Variants in NEK10 observed in about 807,000 individuals in gnomAD.
The protein encoded by NEK10 is NIMA related kinase 10.
Under a neutral mutation model 159.8 loss-of-function variants are expected in NEK10, and 122 were observed. The ratio of observed to expected loss-of-function variants is 0.76; its 90% CI spans 0.66 to 0.89. The LOEUF is 0.89. Among genes scored for constraint, NEK10 ranks in the 40% least tolerant of loss-of-function variants. NEK10 has a pLI of 0.00. For synonymous variants in NEK10, 466 were observed against 457.1 expected (o/e 1.02, Z -0.25); for missense variants, 1,342 against 1,323.1 (o/e 1.01, Z -0.22).
Position 27,134,077 on chromosome 3 carries a change from G to C in NEK10, c.2971-2087C>G, listed in dbSNP as rs560442818. Among the ~76,000 whole-genome samples the C allele has an allele frequency of 6.6e-5, 10 of 152,184 alleles. No individual in the cohort carries two copies. The South Asian group carries it at 1.9e-3, about 29-fold the overall frequency. On this transcript the variant is annotated intron_variant, in intron 31 of 35. Coordinates refer to ENST00000691995, the MANE Select transcript of NEK10 (RefSeq NM_001394966.1). ...GAATAGAGAAAGAAAAGAGAGGAAGGGGGGTGCAGGGAGAGAGAGAGAGAT... is the reference window on the plus strand; with the variant it reads ...GAATAGAGAAAGAAAAGAGAGGAAGCGGGGTGCAGGGAGAGAGAGAGAGAT...
chr3:27,281,666 A>G (rs1365919464), intron 22 of NEK10, among the ~76,000 whole-genome samples: 1 of 152,194 alleles, frequency 6.6e-6, no homozygotes, highest in Non-Finnish European at 1.5e-5. Flanking sequence ...AAGTACCAGA[A>G]GACTTACTTC....
chr3:27,176,590 G>A (rs1440907204), intron 26 of NEK10, among the ~76,000 whole-genome samples: 1 of 152,122 alleles, frequency 6.6e-6, no homozygotes, highest in African/African-American at 2.4e-5. Context: ...CTTCTTCCAT[G>A]CCTACCTCTT....
chr3:27,160,811 CAGG>C (rs1284884772), intron 30 of NEK10, among the ~76,000 whole-genome samples: 1 of 152,108 alleles, frequency 6.6e-6, no homozygotes, highest in African/African-American at 2.4e-5. Context: ...TAGGCTGAGG[CAGG>C]AGAATTGCCT....
At chr3:27,214,829 A>C (rs1394087114) in intron 23 of NEK10, 2 of 1,180,362 alleles carry the variant, frequency 1.7e-6, no homozygotes, top group Non-Finnish European at 1.3e-6. Context: ...CGTGTAGAAG[A>C]TATGGAGCCT....
At chr3:27,208,492 G>C (rs527477540) in intron 23 of NEK10, among the ~76,000 whole-genome samples, 1 of 152,276 alleles carries the variant, frequency 6.6e-6, no homozygotes, top group South Asian at 2.1e-4. Context: ...AAGGGATTGA[G>C]CCAGAAAAGA....
At chr3:27,113,355 C>T (rs1939861201) in intron 35 of NEK10, among the ~76,000 whole-genome samples, 1 of 147,998 alleles carries the variant, frequency 6.8e-6, no homozygotes, top group African/African-American at 2.5e-5. Flanking sequence ...CGCTTGAACC[C>T]AGGAGGTGGA....
intron 22 of NEK10, among the ~76,000 whole-genome samples, chr3:27,282,899 C>G (rs748061329): frequency 6.6e-6 from 1 of 151,160 alleles, no homozygotes; most frequent in African/African-American, 2.4e-5. Context: ...CATAAAAAGC[C>G]TAAGGTAAAC....
chr3:27,304,479 G>A (rs1234698796), intron 12 of NEK10, among the ~76,000 whole-genome samples: 1 of 152,064 alleles, frequency 6.6e-6, no homozygotes, highest in Non-Finnish European at 1.5e-5. Context: ...GCAGATTGAT[G>A]GCCTTCTACA....
chr3:27,180,308 T>C (rs1947943990), intron 26 of NEK10, among the ~76,000 whole-genome samples: 1 of 151,390 alleles, frequency 6.6e-6, no homozygotes, highest in Non-Finnish European at 1.5e-5. Context: ...GGCAGGAGAA[T>C]CACTTGAACA....
intron 32 of NEK10, among the ~76,000 whole-genome samples, chr3:27,125,878 C>T (rs1348794803): frequency 6.6e-6 from 1 of 152,160 alleles, no homozygotes; most frequent in African/African-American, 2.4e-5. Context: ...TTCTACACTA[C>T]TTACAACCAG....
chr3:27,257,118 G>A (rs903920648), intron 22 of NEK10, among the ~76,000 whole-genome samples: 4 of 152,084 alleles, frequency 2.6e-5, no homozygotes, highest in Non-Finnish European at 4.4e-5. Context: ...GTTTTACCAC[G>A]TTGGCCAGGC....
chr3:27,311,905 G>T, intron 8 of NEK10, 194 bp downstream of exon 8: 2 of 531,792 alleles, frequency 3.8e-6, no homozygotes, highest in South Asian at 2.6e-5. Flanking sequence ...TCAAGGTAAA[G>T]GTTGTAATCT....
At chr3:27,367,085 A>G (rs60533984) in intron 1 of NEK10, among the ~76,000 whole-genome samples, 9,057 of 152,088 alleles carry the variant, frequency 0.06, 543 homozygotes, top group African/African-American at 0.16. Context: ...GCTGGGATTC[A>G]CGGCATGAGC....
chr3:27,350,889 A>G (rs1160165806), intron 3 of NEK10, among the ~76,000 whole-genome samples: 1 of 152,136 alleles, frequency 6.6e-6, no homozygotes, highest in African/African-American at 2.4e-5. Flanking sequence ...CTAGGAGGTT[A>G]TACATCCTCA....
intron 5 of NEK10, among the ~76,000 whole-genome samples, chr3:27,331,669 A>C: frequency 6.6e-6 from 1 of 152,210 alleles, no homozygotes; most frequent in East Asian, 1.9e-4. Flanking sequence ...GCAGATATTG[A>C]TAACGAATTG....
At chr3:27,260,128 A>C (rs1330082406) in intron 22 of NEK10, among the ~76,000 whole-genome samples, 1 of 151,922 alleles carries the variant, frequency 6.6e-6, no homozygotes, top group African/African-American at 2.4e-5. Context: ...GGCTGAGACG[A>C]TGGGGTTTTC....
intron 25 of NEK10, among the ~76,000 whole-genome samples, chr3:27,195,917 T>G (rs1949518616): frequency 6.6e-6 from 1 of 152,206 alleles, no homozygotes; most frequent in Non-Finnish European, 1.5e-5. Flanking sequence ...TACCACTTGC[T>G]GGGTACTGCG....
intron 28 of NEK10, among the ~76,000 whole-genome samples, chr3:27,173,856 A>T (rs1947249005): frequency 6.6e-6 from 1 of 151,980 alleles, no homozygotes; most frequent in African/African-American, 2.4e-5. Context: ...TAATCTTTAA[A>T]CTTTATCTAA....
chr3:27,346,887 A>G (rs145607623), intron 3 of NEK10, among the ~76,000 whole-genome samples: 46 of 152,308 alleles, frequency 3.0e-4, no homozygotes, highest in African/African-American at 1.1e-3. Context: ...AACTACAACA[A>G]CTTCACTATG....
Sources: gnomAD v4.1 joint callset for allele counts (sites outside exome capture counted in the v4.1 genomes callset) on GRCh38, gnomAD v4.1.1 for gene constraint, MANE v1.5 for transcripts, NCBI Gene and HGNC (gene_info 2026-07-23, HGNC 2026-07-21) for gene names.